Variants in ARHGAP15 observed in about 807,000 individuals in gnomAD.
ARHGAP15 encodes the protein rho GTPase-activating protein 15.
ARHGAP15 carries 51 observed loss-of-function variants against 63.7 expected under a neutral mutation model. The observed-to-expected ratio is 0.80, with a 90% CI of 0.64 to 1.01. The LOEUF is 1.01. ARHGAP15 is among the 50% of genes least tolerant of loss of function. The probability of loss-of-function intolerance (pLI) is 0.00; values close to 1 mark genes in which losing one functional copy is unlikely to be tolerated. For missense variants in ARHGAP15, 560 were observed against 564.6 expected (o/e 0.99, Z 0.08); for synonymous variants, 191 against 193.8 (o/e 0.99, Z 0.12).
intron 12 of ARHGAP15, among the ~76,000 whole-genome samples, chr2:143,666,089 A>G (rs1418990767): frequency 2.0e-5 from 3 of 151,644 alleles, no homozygotes; most frequent in Non-Finnish European, 4.4e-5. Context: ...ATATGGAACC[A>G]AAAAAGAGCC....
intron 10 of ARHGAP15, among the ~76,000 whole-genome samples, chr2:143,540,943 G>C (rs530760591): frequency 3.3e-5 from 5 of 152,292 alleles, no homozygotes; most frequent in African/African-American, 9.6e-5. Context: ...GATTGGGGAA[G>C]TTCTCCTGGA....
At chr2:143,178,813 T>G (rs1315895235) in intron 2 of ARHGAP15, among the ~76,000 whole-genome samples, 1 of 152,220 alleles carries the variant, frequency 6.6e-6, no homozygotes, top group African/African-American at 2.4e-5. Flanking sequence ...TAGTACATGC[T>G]TCATACATTT....
In ARHGAP15 at chr2:143,153,828, TTCTTCTTCTTCTTCTTCC is replaced by T. The variant is rs1185578319; in HGVS notation, c.-14-1646_-14-1629del. 6.9e-3 allele frequency among the ~76,000 whole-genome samples: 522 copies of T among 75,598 alleles called. 10 individuals carry two copies. Among genetic ancestry groups the T allele is most frequent in the African/African-American group, 0.022 (472 of 21,358 alleles). 49.6% of individuals were successfully genotyped at this position (75,598 alleles called of 152,430 possible). ...CTTCTTCTTCTTCTTCTTCTTCTTC[TTCTTCTTCTTCTTCTTCC>T]TCCTCCTCCTCCTCCTCCTCCTCCT... On this transcript the variant is annotated intron_variant, in intron 1 of 13. Transcript: ENST00000295095.
At chr2:143,467,132 A>G (rs78170912) in intron 8 of ARHGAP15, among the ~76,000 whole-genome samples, 1 of 151,906 alleles carries the variant, frequency 6.6e-6, no homozygotes, top group Admixed American at 6.6e-5. Context: ...TTTCCTTCAC[A>G]TTATAGTATG....
chr2:143,242,717 T>C (rs1422622552), intron 5 of ARHGAP15, among the ~76,000 whole-genome samples: 1 of 152,356 alleles, frequency 6.6e-6, no homozygotes, highest in East Asian at 1.9e-4. Flanking sequence ...AACCCACATC[T>C]TATAATCAAA....
chr2:143,216,617 A>G (rs1692767559), intron 4 of ARHGAP15, among the ~76,000 whole-genome samples, 172 bp downstream of exon 4: 1 of 152,204 alleles, frequency 6.6e-6, no homozygotes, highest in Admixed American at 6.5e-5. Context: ...TTTTTAAAGA[A>G]AGGCACTACA....
At chr2:143,541,662 G>C (rs566739152) in intron 10 of ARHGAP15, among the ~76,000 whole-genome samples, 79 of 152,256 alleles carry the variant, frequency 5.2e-4, no homozygotes, top group African/African-American at 1.8e-3. Flanking sequence ...TGTTTGCCTG[G>C]GTATCAGCAG....
intron 11 of ARHGAP15, among the ~76,000 whole-genome samples, chr2:143,566,202 C>T (rs1696215641): frequency 6.6e-6 from 1 of 152,090 alleles, no homozygotes; most frequent in African/African-American, 2.4e-5. Context: ...TAGAACCACA[C>T]AGATTCTATT....
intron 8 of ARHGAP15, among the ~76,000 whole-genome samples, chr2:143,443,945 A>G (rs1451355497): frequency 6.6e-6 from 1 of 152,200 alleles, no homozygotes; most frequent in Non-Finnish European, 1.5e-5. Flanking sequence ...GGACTTCATT[A>G]TGAGCTGAGC....
At chr2:143,472,416 C>T (rs563587107) in intron 8 of ARHGAP15, among the ~76,000 whole-genome samples, 1 of 152,062 alleles carries the variant, frequency 6.6e-6, no homozygotes, top group Non-Finnish European at 1.5e-5. Flanking sequence ...ATTGGGTATG[C>T]AATGCGTCAA....
In ARHGAP15 at chr2:143,393,626, A is replaced by T. The variant is rs931108877; in HGVS notation, c.475-41975A>T. 1.9e-4 allele frequency among the ~76,000 whole-genome samples: 27 copies of T among 145,266 alleles called. 1 individual carries two copies. The highest frequency in any genetic ancestry group is 6.8e-4 in the African/African-American group (27 of 39,494). ...CGCACCTGTATCCCAGCTACTTGGG[A>T]GGCTGAGGCAGGAGAATGGCTTGAA... is the stretch of plus-strand genomic sequence containing the variant. On this transcript the variant is annotated intron_variant, in intron 6 of 13. Coordinates refer to ENST00000295095, the MANE Select transcript of ARHGAP15 (RefSeq NM_018460.4).
intron 5 of ARHGAP15, among the ~76,000 whole-genome samples, chr2:143,247,056 C>A (rs1694068217): frequency 6.6e-6 from 1 of 152,176 alleles, no homozygotes; most frequent in Non-Finnish European, 1.5e-5. Context: ...CCCTCTATGG[C>A]AGACACACCT....
intron 12 of ARHGAP15, among the ~76,000 whole-genome samples, chr2:143,669,271 C>T (rs149950056): frequency 4.3e-4 from 65 of 152,252 alleles, no homozygotes; most frequent in East Asian, 1.4e-3. Flanking sequence ...CAAACTTCAC[C>T]TGTGTAATGT....
At chr2:143,411,607 A>G (rs1688449113) in intron 6 of ARHGAP15, among the ~76,000 whole-genome samples, 1 of 152,184 alleles carries the variant, frequency 6.6e-6, no homozygotes, top group Non-Finnish European at 1.5e-5. Flanking sequence ...AACGCATGGC[A>G]CTCAGTAATA....
At chr2:143,760,098 A>G (rs978064099) in intron 13 of ARHGAP15, among the ~76,000 whole-genome samples, 2 of 152,176 alleles carry the variant, frequency 1.3e-5, no homozygotes, top group Non-Finnish European at 1.5e-5. Flanking sequence ...TACTCATTGC[A>G]CTATCCCTAA....
chr2:143,171,157 C>CTATG (rs1313341725), intron 2 of ARHGAP15, among the ~76,000 whole-genome samples: 1 of 152,114 alleles, frequency 6.6e-6, no homozygotes, highest in East Asian at 1.9e-4. Flanking sequence ...AATAGTTCAG[C>CTATG]TATGCTTCAC....
chr2:143,636,452 G>C (rs1680319737), intron 12 of ARHGAP15, among the ~76,000 whole-genome samples: 1 of 152,100 alleles, frequency 6.6e-6, no homozygotes, highest in Admixed American at 6.6e-5. Flanking sequence ...ACAAATATTA[G>C]ACCCAGAAAG....
chr2:143,330,704 A>G (rs1211140857), intron 6 of ARHGAP15, among the ~76,000 whole-genome samples: 3 of 152,178 alleles, frequency 2.0e-5, no homozygotes, highest in African/African-American at 7.2e-5. Context: ...TCATTTCTCC[A>G]TCAGTGATAT....
At chr2:143,601,471 C>T (rs1256031025) in intron 11 of ARHGAP15, 4 of 152,080 alleles carry the variant, frequency 2.6e-5, no homozygotes, top group Admixed American at 1.3e-4. Flanking sequence ...GTTTCAAATA[C>T]ACGAGGGCAG....
Sources: allele counts gnomAD v4.1 joint callset (sites outside exome capture counted in the v4.1 genomes callset), GRCh38; gene constraint gnomAD v4.1.1; transcripts MANE v1.5; gene names NCBI Gene and HGNC (gene_info 2026-07-23, HGNC 2026-07-21).